CRB2: variants seen among roughly 807,000 people sequenced by gnomAD.
CRB2 encodes the protein protein crumbs homolog 2.
Under a neutral mutation model 110.9 loss-of-function variants are expected in CRB2, and 85 were observed. The ratio of observed to expected loss-of-function variants is 0.77; its 90% confidence interval spans 0.64 to 0.92. The LOEUF is 0.92. Among genes scored for constraint, CRB2 ranks in the 40% least tolerant of loss-of-function variants. The pLI is 0.00. For synonymous variants in CRB2, 907 were observed against 831.0 expected (o/e 1.09, Z -1.57); for missense variants, 1,843 against 1,851.3 (o/e 1.00, Z 0.08).
rs2042125884 is a variant in CRB2 at position 123,377,774 on chromosome 9, GC to G, written c.*717del. ...ATGCGAGGGAACCACAGACCCACCC[GC>G]CCCCTCAGCCGGAGCAGCCCGAGGG... is the stretch of plus-strand genomic sequence containing the variant. On this transcript the variant is annotated 3_prime_UTR_variant, in exon 13 of 13. Transcript: ENST00000373631. 6.6e-6 allele frequency: 1 copy of G among 152,262 alleles called. No individual in the cohort carries two copies. The highest frequency in any genetic ancestry group is 1.5e-5 in the Non-Finnish European group (1 of 68,088). 9.4% of individuals were successfully genotyped at this position (152,262 alleles called of 1,614,324 possible).
rs568491931 is a variant in CRB2 at position 123,366,442 on chromosome 9, G to T, written c.754+76G>T. 3.1e-4 allele frequency: 459 copies of T among 1,457,858 alleles called. 11 individuals carry two copies. In the East Asian group the frequency reaches 0.013, roughly 41 times the overall value. The allele number at this position is 1,457,858 out of a possible 1,614,324, so 90.3% of individuals were successfully genotyped here. A position where few individuals can be genotyped will look rare whatever the true frequency, so the allele number is the denominator to read the frequency against. On this transcript the variant is annotated intron_variant, in intron 4 of 12. Coordinates refer to ENST00000373631, the MANE Select transcript of CRB2 (RefSeq NM_173689.7). ...CTGTGCGGCCTGGGGCGGTGGGGCA[G>T]GTGTGTGGCTGCACGCGAGTGCCCG...
chr9:123,366,926 C>G (rs1379579325), intron 4 of CRB2, among the ~76,000 whole-genome samples: 1 of 132,486 alleles, frequency 7.5e-6, no homozygotes, highest in Non-Finnish European at 1.6e-5. Flanking sequence ...GCCTGGGCAA[C>G]AGAGTGAGAT....
In CRB2 at chr9:123,370,617, G is replaced by C; in HGVS notation, c.1564G>C (p.Val522Leu). The part of the protein sequence containing the change: ...LALNDGHWHQ[V>L]EVVLHLATLE... ...CCTAAACGATGGCCATTGGCACCAG[G>C]TGGAGGTTGTGCTCCATCTAGCGAC... The change falls in exon 7 of 13, where the codon GTG becomes CTG. Residue 522 changes from valine to leucine, a missense_variant. Physicochemically the swap from Val to Leu is conservative, Grantham distance 32. Coordinates refer to ENST00000373631, the MANE Select transcript of CRB2 (RefSeq NM_173689.7). 6.2e-7 allele frequency: 1 copy of C among 1,611,860 alleles called. No individual in the cohort carries two copies. The highest frequency in any genetic ancestry group is 1.1e-5 in the South Asian group (1 of 91,086).
chr9:123,368,573 G>A (rs1004098084), intron 6 of CRB2, among the ~76,000 whole-genome samples: 2 of 152,260 alleles, frequency 1.3e-5, no homozygotes, highest in Non-Finnish European at 2.9e-5. Context: ...TTACAGCTGA[G>A]AGGATGAGGG....
rs68008388 is a variant in CRB2, at chr9:123,367,444, C to CCACCCCA, written c.940+100_940+106dup. On this transcript the variant is annotated intron_variant, in intron 5 of 12. Transcript: ENST00000373631. ...CCACCCCCCCACCCCCCCCACCCCC[C>CCACCCCA]CACCCCACACCCCACACCCGAGTCT... 5.3e-4 allele frequency: 570 copies of CCACCCCA among 1,076,634 alleles called. 1 individual carries two copies. Among genetic ancestry groups the CCACCCCA allele is most frequent in the African/African-American group, 1.7e-3 (94 of 54,066 alleles). The allele number at this position is 1,076,634 out of a possible 1,614,324, so 66.7% of individuals were successfully genotyped here.
intron 12 of CRB2, 33 bp from the exon 13 acceptor site, chr9:123,376,805 C>T (rs189018166): frequency 8.5e-5 from 134 of 1,568,582 alleles, no homozygotes; most frequent in African/African-American, 2.2e-4. Flanking sequence ...CCCTTCTCTG[C>T]GGTCTTAGGC....
intron 8 of CRB2, among the ~76,000 whole-genome samples, chr9:123,371,899 C>A (rs901081673): frequency 1.3e-5 from 2 of 152,164 alleles, no homozygotes; most frequent in African/African-American, 4.8e-5. Context: ...CGCTTTTGAT[C>A]ATGAACAGAA....
intron 11 of CRB2, 33 bp downstream of exon 11, chr9:123,374,728 TC>T (rs1025618380): frequency 6.7e-7 from 1 of 1,495,020 alleles, no homozygotes; most frequent in Non-Finnish European, 9.2e-7. Flanking sequence ...TGTGAGGAGG[TC>T]CAATGAATGT....
chr9:123,376,765 T>G lies in CRB2; in HGVS notation c.3634-73T>G, dbSNP rs916774197. 4.4e-6 allele frequency: 6 copies of G among 1,367,982 alleles called. No individual in the cohort carries two copies. In the African/African-American group the frequency reaches 7.2e-5, roughly 16 times the overall value. 84.7% of individuals were successfully genotyped at this position (1,367,982 alleles called of 1,614,324 possible). On this transcript the variant is annotated intron_variant, in intron 12 of 12. Transcript: ENST00000373631. The stretch of plus-strand genomic sequence containing the variant: ...CTCTGAGTAGGTCCTTGTGCTGCGC[T>G]CTCTGCTCTCTGAGGGCCCCGGCGT...
In CRB2 at chr9:123,363,183, A is replaced by T; in HGVS notation, c.413A>T (p.Tyr138Phe). 1 of 1,601,096 alleles carries T rather than the reference A, an allele frequency of 6.2e-7. No individual in the cohort carries two copies. Among genetic ancestry groups the T allele is most frequent in the Non-Finnish European group, 8.5e-7 (1 of 1,172,876 alleles). Residue 138 changes from tyrosine to phenylalanine, a missense_variant, in exon 2 of 13, where the codon TAT (tyrosine) becomes TTT (phenylalanine). Tyr to Phe is a conservative substitution (Grantham distance 22, BLOSUM62 3). Transcript: ENST00000373631. ...DRYECHCPLG[Y>F]AGVTCEMEVD... is the part of the protein sequence containing the mutation. ...TACGAGTGCCATTGCCCCCTTGGCT[A>T]TGCAGGTAACAGCCTGGGCCGCCCT...
chr9:123,377,165 T>A lies in CRB2; in HGVS notation c.*103T>A. ...GGCTCGGGACATTGCTACGGAAGTGTCCCCTTGGCTGGCAGCCTCTGCCTC... is the reference window on the plus strand; with the variant it reads ...GGCTCGGGACATTGCTACGGAAGTGACCCCTTGGCTGGCAGCCTCTGCCTC... On this transcript the variant is annotated 3_prime_UTR_variant, in exon 13 of 13. Coordinates refer to ENST00000373631, the MANE Select transcript of CRB2 (RefSeq NM_173689.7). The A allele has an allele frequency of 9.0e-7, 1 of 1,111,232 alleles. No homozygotes were observed. Among genetic ancestry groups the A allele is most frequent in the Non-Finnish European group, 1.3e-6 (1 of 797,026 alleles). 68.8% of individuals were successfully genotyped at this position (1,111,232 alleles called of 1,614,324 possible).
At position 123,371,301 on chromosome 9, in the gene CRB2, G is replaced by A. The variant is rs761359650; in HGVS notation, c.2159G>A (p.Arg720His). 10 of 1,612,562 alleles carry A rather than the reference G, an allele frequency of 6.2e-6. No individual in the cohort carries two copies. The highest frequency in any genetic ancestry group is 4.0e-5 in the African/African-American group (3 of 74,938). The change falls in exon 8 of 13, where the codon CGC (arginine) becomes CAC (histidine). Residue 720 changes from arginine to histidine, a missense_variant. Arg to His is a conservative substitution (Grantham distance 29, BLOSUM62 0). Coordinates refer to ENST00000373631, the MANE Select transcript of CRB2 (RefSeq NM_173689.7). ...AGTCCTGCTGTAGTGCTCCCTGGGC[G>A]CTGGGATGATGGGCTCCGTCACCTG... ...PGSPAVVLPGRWDDGLRHLVM... is the reference protein window; with the variant it reads ...PGSPAVVLPGHWDDGLRHLVM...
intron 1 of CRB2, among the ~76,000 whole-genome samples, chr9:123,361,966 G>T (rs2041873673): frequency 6.6e-6 from 1 of 152,204 alleles, no homozygotes; most frequent in African/African-American, 2.4e-5. Context: ...GCCGGTTGGT[G>T]ACCCTCTGTT....
Position 123,365,682 on chromosome 9 carries a change from C to A in CRB2, c.419-235C>A, listed in dbSNP as rs191685589. ...GGTAATTACTGGCTGAATCACCCCC[C>A]ACCATGTCCTGGCCTAGACTGCTGT... is the stretch of plus-strand genomic sequence containing the variant. On this transcript the variant is annotated intron_variant, in intron 2 of 12. Transcript: ENST00000373631. Among the ~76,000 whole-genome samples the A allele has an allele frequency of 4.6e-5, 7 of 152,314 alleles. No individual in the cohort carries two copies. The East Asian group carries it at 9.6e-4, about 21-fold the overall frequency.
chr9:123,369,844 A>G (rs1052855768), intron 6 of CRB2, among the ~76,000 whole-genome samples: 1 of 151,944 alleles, frequency 6.6e-6, no homozygotes, highest in Non-Finnish European at 1.5e-5. Flanking sequence ...GTAAGGCAGG[A>G]GATGGGGGGT....
Position 123,373,395 on chromosome 9 carries a change from C to A in CRB2, c.2864C>A (p.Ala955Asp). The change falls in exon 10 of 13, where the codon GCC (alanine) becomes GAC (aspartate). Residue 955 changes from alanine (A) to aspartate (D), a missense_variant. Ala to Asp is a moderately radical substitution (Grantham distance 126, BLOSUM62 -2). Coordinates refer to ENST00000373631, the MANE Select transcript of CRB2 (RefSeq NM_173689.7). ...PIPGPRVADGAWHRVRLAMER... is the reference protein window; with the variant it reads ...PIPGPRVADGDWHRVRLAMER... ...CCGGGGCCGCGCGTGGCCGATGGTGCCTGGCACCGCGTGCGTCTGGCCATG... is the reference window on the plus strand; with the variant it reads ...CCGGGGCCGCGCGTGGCCGATGGTGACTGGCACCGCGTGCGTCTGGCCATG... 4 of 1,442,808 alleles carry A rather than the reference C, an allele frequency of 2.8e-6. No individual in the cohort carries two copies. Among genetic ancestry groups the A allele is most frequent in the Non-Finnish European group, 1.8e-6 (2 of 1,104,216 alleles). 89.4% of individuals were successfully genotyped at this position (1,442,808 alleles called of 1,614,324 possible).
Position 123,373,554 on chromosome 9 carries a change from A to C in CRB2, c.3023A>C (p.Glu1008Ala). ...GGTGCTGTGCGCATCCTGCTGGCTG[A>C]GAACTTCACCGGCTGCTTGGGCCGC... The part of the protein sequence containing the change: ...GPGAVRILLA[E>A]NFTGCLGRVA... The change falls in exon 10 of 13, where the codon GAG becomes GCG. Residue 1008 changes from glutamate (E) to alanine (A), a missense_variant. Physicochemically the swap from Glu to Ala is moderately radical, Grantham distance 107. Coordinates refer to ENST00000373631, the MANE Select transcript of CRB2 (RefSeq NM_173689.7). 2 of 1,483,580 alleles carry C rather than the reference A, an allele frequency of 1.3e-6. No homozygotes were observed. Among genetic ancestry groups the C allele is most frequent in the Non-Finnish European group, 1.8e-6 (2 of 1,121,482 alleles). The allele number at this position is 1,483,580 out of a possible 1,614,324, so 91.9% of individuals were successfully genotyped here.
intron 10 of CRB2, among the ~76,000 whole-genome samples, chr9:123,374,360 G>C (rs565200633): frequency 6.6e-6 from 1 of 152,312 alleles, no homozygotes; most frequent in South Asian, 2.1e-4. Context: ...TTTGTTCAGA[G>C]TCCTTACACT....
At chr9:123,380,314 A>ACATT (rs1412855895), downstream of CRB2, 1 of 152,554 alleles carries the variant, frequency 6.6e-6, no homozygotes, top group African/African-American at 2.4e-5. Flanking sequence ...AAGATAATAA[A>ACATT]CATTCAATCT....
Sources: gnomAD v4.1 joint callset for allele counts (sites outside exome capture counted in the v4.1 genomes callset) on GRCh38, gnomAD v4.1.1 for gene constraint, MANE v1.5 for transcripts, NCBI Gene and HGNC (gene_info 2026-07-23, HGNC 2026-07-21) for gene names.